Variants in GATM observed in about 807,000 individuals in gnomAD.
GATM encodes the protein glycine amidinotransferase, mitochondrial.
A neutral mutation model predicts 54.2 loss-of-function variants in GATM; 23 were observed. That is an observed-to-expected ratio of 0.42 (90% CI 0.31 to 0.60). The LOEUF is 0.60. GATM is among the 20% of genes least tolerant of loss of function. The pLI is 0.14. For missense variants in GATM, 401 were observed against 544.9 expected (o/e 0.74, Z 2.63); for synonymous variants, 168 against 183.1 (o/e 0.92, Z 0.67).
chr15:45,369,188 C>T, intron 3 of GATM, 138 bp downstream of exon 3: 1 of 688,514 alleles, frequency 1.5e-6, no homozygotes. Flanking sequence ...CAAACCATTC[C>T]TAAATAAATC....
intron 2 of GATM, among the ~76,000 whole-genome samples, chr15:45,371,764 T>C (rs1889547979): frequency 6.6e-6 from 1 of 152,258 alleles, no homozygotes; most frequent in South Asian, 2.1e-4. Flanking sequence ...CACTTCTAAC[T>C]AGATGTGCAA....
intron 8 of GATM, among the ~76,000 whole-genome samples, chr15:45,363,228 C>T (rs535033682): frequency 3.3e-5 from 5 of 152,212 alleles, no homozygotes; most frequent in Admixed American, 2.6e-4. Context: ...GCCGAGGTCA[C>T]GCCACTACAC....
At position 45,366,494 on chromosome 15, in the gene GATM, G is replaced by A; in HGVS notation, c.690C>T (p.His230=). The A allele has an allele frequency of 1.9e-6, 3 of 1,614,094 alleles. 1 individual carries two copies. In the South Asian group the frequency reaches 3.3e-5, roughly 18 times the overall value. ...DELYNQDYPI[H]SVEDRHKLAA... ...CCAATTTGTGTCTGTCTTCTACAGAGTGGATGGGATAATCCTAATTGGAAC... is the reference window on the plus strand; with the variant it reads ...CCAATTTGTGTCTGTCTTCTACAGAATGGATGGGATAATCCTAATTGGAAC... Residue 230 remains histidine (H), a synonymous_variant, in exon 5 of 9, where the codon CAC becomes CAT. Coordinates refer to ENST00000396659, the MANE Select transcript of GATM (RefSeq NM_001482.3).
Position 45,366,210 on chromosome 15 carries a change from C to T in GATM, c.814G>A (p.Val272Ile). ...CATTCAATGCCTAGGTAGTTTGTAA[C>T]CTGAAAACAAAAGAAAGACATACGA... ...GRDIFAQRSQVTNYLGIEWMR... is the reference protein window; with the variant it reads ...GRDIFAQRSQITNYLGIEWMR... Residue 272 changes from valine to isoleucine, a missense_variant and splice_region_variant, in exon 6 of 9, where the codon GTT (valine) becomes ATT (isoleucine). By Grantham distance (29) the Val-to-Ile change is conservative (BLOSUM62 3). Around this residue, in one of 3 missense-constraint regions of GATM, gnomAD observed 321 missense variants for 457.5 expected, o/e 0.70. Transcript: ENST00000396659. The T allele has an allele frequency of 6.2e-7, 1 of 1,613,932 alleles. No individual in the cohort carries two copies. The highest frequency in any genetic ancestry group is 8.5e-7 in the Non-Finnish European group (1 of 1,179,954).
intron 3 of GATM, among the ~76,000 whole-genome samples, chr15:45,385,741 A>G (rs1273340628): frequency 1.3e-5 from 2 of 152,212 alleles, no homozygotes; most frequent in East Asian, 3.8e-4. Flanking sequence ...TACCCTCTCC[A>G]TACTAGGGCG....
intron 3 of GATM, among the ~76,000 whole-genome samples, chr15:45,383,734 G>A (rs574549888): frequency 1.3e-5 from 2 of 152,116 alleles, no homozygotes; most frequent in East Asian, 3.9e-4. Context: ...AGTAGAGATG[G>A]GGTTTCACCA....
chr15:45,397,419 A>C (rs1889947392), intron 2 of GATM: 1 of 152,076 alleles, frequency 6.6e-6, no homozygotes, highest in Non-Finnish European at 1.5e-5. Flanking sequence ...TTAATAATTG[A>C]TCATGCCTAC....
intron 3 of GATM, among the ~76,000 whole-genome samples, chr15:45,385,856 A>G (rs541207369): frequency 6.6e-6 from 1 of 152,250 alleles, no homozygotes; most frequent in Non-Finnish European, 1.5e-5. Context: ...TTTATACCCC[A>G]CCATATATCT....
At chr15:45,376,896 G>C in intron 1 of GATM, 77 bp from the exon 2 acceptor site, 1 of 1,357,336 alleles carries the variant, frequency 7.4e-7, no homozygotes, top group Non-Finnish European at 1.0e-6. Flanking sequence ...TGGAGATGGA[G>C]TAAAAATCCA....
chr15:45,377,248 C>A (rs201765705), intron 1 of GATM: 10 of 483,146 alleles, frequency 2.1e-5, no homozygotes, highest in Non-Finnish European at 4.1e-5. Context: ...CCTTAAGTAT[C>A]AAAGGTTACC....
At chr15:45,365,831 C>T (rs936997496) in intron 6 of GATM, among the ~76,000 whole-genome samples, 9 of 152,210 alleles carry the variant, frequency 5.9e-5, no homozygotes, top group African/African-American at 2.2e-4. Flanking sequence ...TCTGATGATC[C>T]CATACTAATT....
chr15:45,401,166 G>A (rs1438053709), intron 1 of GATM, among the ~76,000 whole-genome samples: 3 of 152,268 alleles, frequency 2.0e-5, no homozygotes, highest in African/African-American at 7.2e-5. Context: ...CTGAGACCAG[G>A]TAAGTTACTG....
At chr15:45,377,370 C>A in intron 1 of GATM, 1 of 415,816 alleles carries the variant, frequency 2.4e-6, no homozygotes, top group Non-Finnish European at 4.7e-6. Flanking sequence ...TCATCTTTGA[C>A]ATACACTTCG....
intron 3 of GATM, among the ~76,000 whole-genome samples, chr15:45,386,072 C>A (rs1889800771): frequency 6.6e-6 from 1 of 152,180 alleles, no homozygotes; most frequent in Non-Finnish European, 1.5e-5. Context: ...AATCTGCCTG[C>A]TCTCAATTTG....
chr15:45,378,254 T>G lies in GATM; in HGVS notation c.69+131A>C, dbSNP rs986753438. ...TTCCCAGGGATACCAGAAGGGACACTCTCGTGCAATTCCGGCTAGGGAAAG... is the reference window on the plus strand; with the variant it reads ...TTCCCAGGGATACCAGAAGGGACACGCTCGTGCAATTCCGGCTAGGGAAAG... On this transcript the variant is annotated intron_variant, in intron 1 of 8. Coordinates refer to ENST00000396659, the MANE Select transcript of GATM (RefSeq NM_001482.3). 9.0e-6 allele frequency: 6 copies of G among 666,988 alleles called. No individual in the cohort carries two copies. In the African/African-American group the frequency reaches 1.1e-4, roughly 13 times the overall value. The allele number at this position is 666,988 out of a possible 1,614,324, so 41.3% of individuals were successfully genotyped here. A position where few individuals can be genotyped will look rare whatever the true frequency, so the allele number is the denominator to read the frequency against.
intron 8 of GATM, chr15:45,363,690 C>G (rs1889402041): frequency 3.3e-6 from 2 of 599,334 alleles, no homozygotes; most frequent in African/African-American, 3.7e-5. Flanking sequence ...AAGGGGATGT[C>G]TCAGGAGCTC....
rs771704726 is a variant in GATM, at chr15:45,369,275, A to G, written c.484+51T>C. The G allele has an allele frequency of 4.6e-6, 7 of 1,536,624 alleles. No individual in the cohort carries two copies. In the South Asian group the frequency reaches 7.8e-5, roughly 17 times the overall value. ...GGAGCTTTCCCCTTACACATTAAGA[A>G]AGAAATTGAAAATTCAGACACTGGC... On this transcript the variant is annotated intron_variant, in intron 3 of 8. Transcript: ENST00000396659.
At chr15:45,378,087 G>C (rs2140659899) in intron 1 of GATM, 2 of 354,128 alleles carry the variant, frequency 5.6e-6, no homozygotes, top group South Asian at 5.3e-5. Context: ...GAGGGGGGCG[G>C]CGCCCCCTGC....
Position 45,368,040 on chromosome 15 carries a change from T to C in GATM, c.675+30A>G. 6.3e-7 allele frequency: 1 copy of C among 1,595,150 alleles called. No individual in the cohort carries two copies. The highest frequency in any genetic ancestry group is 8.6e-7 in the Non-Finnish European group (1 of 1,163,380). On this transcript the variant is annotated intron_variant, in intron 4 of 8. Transcript: ENST00000396659. The surrounding 1 kb of genome is among the most constrained non-coding windows in gnomAD (Gnocchi z 5.1). Reference sequence around the variant, plus strand: ...TTTGTGGATCATTTAGAAAAGTTAGTAATAAGCTAGCCTATAATTAGGGAC... The same window carrying C: ...TTTGTGGATCATTTAGAAAAGTTAGCAATAAGCTAGCCTATAATTAGGGAC...
Sources: allele counts gnomAD v4.1 joint callset (sites outside exome capture counted in the v4.1 genomes callset), GRCh38; gene constraint gnomAD v4.1.1; regional missense constraint gnomAD v4.1.1; non-coding constraint Gnocchi (gnomAD v3.1); transcripts MANE v1.5; gene names NCBI Gene and HGNC (gene_info 2026-07-23, HGNC 2026-07-21).